Variants in PDE4D observed in about 807,000 individuals in gnomAD.
PDE4D encodes phosphodiesterase 4D.
In PDE4D, 24 loss-of-function variants were observed where a neutral mutation model predicts 87.4. That is an observed-to-expected ratio of 0.27 (90% CI 0.20 to 0.39). The LOEUF is 0.39. PDE4D is among the 10% of genes least tolerant of loss of function. PDE4D has a pLI of 1.00. For synonymous variants in PDE4D, 384 were observed against 383.2 expected, an observed-to-expected ratio of 1.00 and a Z score of -0.02; for missense variants, 714 against 1,041.0, an observed-to-expected ratio of 0.69 and a Z score of 4.32.
In PDE4D at chr5:59,396,689, A is replaced by G. The variant is rs1350957600; in HGVS notation, c.456-180721T>C. ...ACTGCATCAACTAACGAGCAAAATA[A>G]CCAGCTAACATCAAAATGACAGGAT... On this transcript the variant is annotated intron_variant, in intron 1 of 14. Coordinates refer to ENST00000340635, the MANE Select transcript of PDE4D (RefSeq NM_001104631.2). Among the ~76,000 whole-genome samples, 2 of 117,814 alleles carry G rather than the reference A, an allele frequency of 1.7e-5. 1 individual carries two copies. The highest frequency in any genetic ancestry group is 7.1e-5 in the African/African-American group (2 of 28,356). 77.3% of individuals were successfully genotyped at this position (117,814 alleles called of 152,430 possible). A position where few individuals can be genotyped will look rare whatever the true frequency, so the allele number is the denominator to read the frequency against.
chr5:60,260,464 A>C (rs1044832026), intron 1 of PDE4D, among the ~76,000 whole-genome samples: 7 of 152,146 alleles, frequency 4.6e-5, no homozygotes, highest in African/African-American at 1.7e-4. Flanking sequence ...GGGGAATACT[A>C]GCAATGCAAA....
intron 5 of PDE4D, among the ~76,000 whole-genome samples, chr5:59,160,805 T>G (rs1470020321): frequency 6.6e-6 from 1 of 152,082 alleles, no homozygotes; most frequent in African/African-American, 2.4e-5. Context: ...TCTTTAAAAA[T>G]AGTTGTTTTT....
intron 5 of PDE4D, among the ~76,000 whole-genome samples, chr5:59,056,334 C>A (rs1447250569): frequency 6.6e-6 from 1 of 152,084 alleles, no homozygotes; most frequent in Non-Finnish European, 1.5e-5. Flanking sequence ...ACCACTGGAG[C>A]AAAGGACGAA....
At chr5:59,818,635 C>T (rs927396774) in intron 1 of PDE4D, among the ~76,000 whole-genome samples, 4 of 152,134 alleles carry the variant, frequency 2.6e-5, no homozygotes, top group Admixed American at 6.5e-5. Context: ...ATTAAGCTCA[C>T]GTGTTGTGAA....
chr5:59,729,743 T>C (rs1028721294), intron 1 of PDE4D, among the ~76,000 whole-genome samples: 3 of 152,096 alleles, frequency 2.0e-5, no homozygotes, highest in Admixed American at 1.3e-4. Flanking sequence ...GGGATGTATA[T>C]ACATCTTAAT....
rs141832392 is a variant in PDE4D at position 59,340,321 on chromosome 5, A to G, written c.456-124353T>C. Among the ~76,000 whole-genome samples, 735 of 152,324 alleles carry G rather than the reference A, an allele frequency of 4.8e-3. 5 individuals carry two copies. Among genetic ancestry groups the G allele is most frequent in the African/African-American group, 0.017 (709 of 41,578 alleles). On this transcript the variant is annotated intron_variant, in intron 1 of 14. Transcript: ENST00000340635. ...GTGAACCATGAATGATGGCCACAAC[A>G]TGTAATTTTAAATTTTTAAAAAGCC...
At chr5:60,013,049 T>C (rs187649243) in intron 2 of PDE4D, among the ~76,000 whole-genome samples, 54 of 152,320 alleles carry the variant, frequency 3.5e-4, no homozygotes, top group African/African-American at 1.2e-3. Context: ...CTGGATTTCT[T>C]GCCTGTGTCC....
intron 3 of PDE4D, among the ~76,000 whole-genome samples, chr5:59,973,724 G>C (rs1377151387): frequency 6.6e-6 from 1 of 152,004 alleles, no homozygotes; most frequent in Admixed American, 6.6e-5. Flanking sequence ...TCCTCTGCTT[G>C]GGTCTCCTCC....
At chr5:59,872,586 C>T (rs1252617346) in intron 1 of PDE4D, among the ~76,000 whole-genome samples, 2 of 152,070 alleles carry the variant, frequency 1.3e-5, no homozygotes, top group African/African-American at 4.8e-5. Flanking sequence ...AGTAATGGTT[C>T]AATTGAACTT....
chr5:60,211,756 C>T (rs930837396), intron 1 of PDE4D, among the ~76,000 whole-genome samples: 1 of 151,882 alleles, frequency 6.6e-6, no homozygotes, highest in African/African-American at 2.4e-5. Flanking sequence ...GCTTCCCTAC[C>T]CCTACCCTCA....
intron 1 of PDE4D, among the ~76,000 whole-genome samples, chr5:59,673,349 T>A (rs1747528320): frequency 6.6e-6 from 1 of 152,180 alleles, no homozygotes; most frequent in Admixed American, 6.5e-5. Context: ...GATGTTTCCT[T>A]GTTACTAGTA....
At chr5:59,563,512 T>C (rs1220895779) in intron 1 of PDE4D, among the ~76,000 whole-genome samples, 1 of 152,240 alleles carries the variant, frequency 6.6e-6, no homozygotes, top group Non-Finnish European at 1.5e-5. Context: ...GAATTATAAG[T>C]GACCATTAGT....
At chr5:60,128,941 T>C (rs1348493530) in intron 2 of PDE4D, among the ~76,000 whole-genome samples, 1 of 152,236 alleles carries the variant, frequency 6.6e-6, no homozygotes, top group East Asian at 1.9e-4. Context: ...AGTATAATGT[T>C]TTCAAGTAAA....
chr5:59,820,481 G>T (rs1341624602), intron 1 of PDE4D, among the ~76,000 whole-genome samples: 1 of 152,128 alleles, frequency 6.6e-6, no homozygotes, highest in East Asian at 1.9e-4. Context: ...AGTGTTGAAG[G>T]AATCAGACAG....
At chr5:59,898,611 T>G (rs1189845353), upstream of PDE4D, among the ~76,000 whole-genome samples, 3 of 152,100 alleles carry the variant, frequency 2.0e-5, no homozygotes, top group Non-Finnish European at 4.4e-5. Flanking sequence ...CTTGGGGAGA[T>G]GAAGGAGTAA....
rs188523048 is a variant in PDE4D at position 59,700,514 on chromosome 5, G to A, written c.455+192654C>T. Among the ~76,000 whole-genome samples, 379 of 152,176 alleles carry A rather than the reference G, an allele frequency of 2.5e-3. 2 individuals carry two copies. Among genetic ancestry groups the A allele is most frequent in the Non-Finnish European group, 2.5e-3 (170 of 67,986 alleles). ...AAATAATATGGGAGAAAAAAATCACGTAGATTTCACACCTAATAAATGAAC... is the reference window on the plus strand; with the variant it reads ...AAATAATATGGGAGAAAAAAATCACATAGATTTCACACCTAATAAATGAAC... On this transcript the variant is annotated intron_variant, in intron 1 of 14. Coordinates refer to ENST00000340635, the MANE Select transcript of PDE4D (RefSeq NM_001104631.2).
At chr5:59,792,803 G>T (rs1765967762) in intron 1 of PDE4D, among the ~76,000 whole-genome samples, 1 of 152,152 alleles carries the variant, frequency 6.6e-6, no homozygotes, top group Non-Finnish European at 1.5e-5. Context: ...CAGAGATATG[G>T]CTCTGGCTTA....
intron 2 of PDE4D, among the ~76,000 whole-genome samples, chr5:60,005,302 A>C (rs1275718111): frequency 6.6e-6 from 1 of 152,106 alleles, no homozygotes; most frequent in East Asian, 1.9e-4. Flanking sequence ...AATCTGGGAC[A>C]TGGTAGAAAT....
intron 2 of PDE4D, among the ~76,000 whole-genome samples, chr5:59,992,659 T>C (rs1395545484): frequency 1.3e-5 from 2 of 152,220 alleles, no homozygotes; most frequent in African/African-American, 4.8e-5. Context: ...AGGTTATCTG[T>C]TGAATGACTT....
Sources: allele counts gnomAD v4.1 joint callset (sites outside exome capture counted in the v4.1 genomes callset), GRCh38; gene constraint gnomAD v4.1.1; transcripts MANE v1.5; gene names NCBI Gene and HGNC (gene_info 2026-07-23, HGNC 2026-07-21).